Variants in STK31 observed in about 807,000 individuals in gnomAD.
STK31 encodes the protein serine/threonine-protein kinase 31.
Under a neutral mutation model 129.7 loss-of-function variants are expected in STK31, and 89 were observed. The ratio of observed to expected loss-of-function variants is 0.69; its 90% CI spans 0.58 to 0.82. STK31 has a LOEUF of 0.82. Among genes scored for constraint, STK31 ranks in the 40% least tolerant of loss-of-function variants. The probability of loss-of-function intolerance (pLI) is 0.00; values close to 1 mark genes in which losing one functional copy is unlikely to be tolerated. For synonymous variants in STK31, 448 were observed against 395.3 expected (o/e 1.13, Z -1.58); for missense variants, 1,187 against 1,176.4 (o/e 1.01, Z -0.13).
chr7:23,828,247 T>G (rs1794302530), intron 23 of STK31, among the ~76,000 whole-genome samples: 1 of 151,612 alleles, frequency 6.6e-6, no homozygotes, highest in Non-Finnish European at 1.5e-5. Context: ...TCCACCCAGT[T>G]TGAGCTTCCC....
upstream of STK31, chr7:23,710,117 C>T (rs1356746581): frequency 4.1e-6 from 5 of 1,208,768 alleles, no homozygotes; most frequent in African/African-American, 4.5e-5. Flanking sequence ...AGGCGGCTCC[C>T]GCACGCTTCT....
intron 23 of STK31, among the ~76,000 whole-genome samples, chr7:23,821,963 T>C (rs1194586096): frequency 6.6e-6 from 1 of 152,044 alleles, no homozygotes; most frequent in African/African-American, 2.4e-5. Flanking sequence ...GGTTGGCTGT[T>C]TATTTCTGGG....
intron 15 of STK31, among the ~76,000 whole-genome samples, chr7:23,774,759 G>T (rs998912227): frequency 6.6e-6 from 1 of 152,126 alleles, no homozygotes; most frequent in Non-Finnish European, 1.5e-5. Context: ...TTCTTTTGCT[G>T]TGCAGAAGCT....
chr7:23,793,754 G>T (rs1584458239), intron 22 of STK31, among the ~76,000 whole-genome samples: 1 of 152,282 alleles, frequency 6.6e-6, no homozygotes, highest in African/African-American at 2.4e-5. Flanking sequence ...TAGATCTGTT[G>T]TACCTAGAAC....
In STK31 at chr7:23,760,328, G is replaced by C. The variant is rs1749177348; in HGVS notation, c.1294-2473G>C. Among the ~76,000 whole-genome samples, 3 of 152,158 alleles carry C rather than the reference G, an allele frequency of 2.0e-5. No individual in the cohort carries two copies. The South Asian group carries it at 6.2e-4, about 32-fold the overall frequency. On this transcript the variant is annotated intron_variant, in intron 10 of 23. Coordinates refer to ENST00000355870, the MANE Select transcript of STK31 (RefSeq NM_031414.5). ...TCCCTAGTCATACCTAGGTTGATCA[G>C]TTGGCAGCCTGACTGCCTCTGAATG...
intron 7 of STK31, among the ~76,000 whole-genome samples, chr7:23,736,547 C>T (rs979336587): frequency 1.9e-4 from 4 of 20,532 alleles, no homozygotes; most frequent in East Asian, 1.9e-3. Flanking sequence ...AGGCGGTGGA[C>T]GGGGGGATCA....
In STK31 at chr7:23,752,834, T is replaced by C. The variant is rs1788799291; in HGVS notation, c.1133+2T>C. 6.4e-7 allele frequency: 1 copy of C among 1,564,672 alleles called. No homozygotes were observed. The highest frequency in any genetic ancestry group is 8.8e-7 in the Non-Finnish European group (1 of 1,137,260). On this transcript the variant is annotated splice_donor_variant, in intron 9 of 23. Transcript: ENST00000355870. LOFTEE classifies it high-confidence loss of function. ...GATGGAAATACTGAAAGAAATGAGG[T>C]AGGTAAAAGCATATTTTTCAGAAGG...
intron 23 of STK31, among the ~76,000 whole-genome samples, chr7:23,820,988 G>C (rs529901242): frequency 3.1e-4 from 47 of 152,182 alleles, no homozygotes; most frequent in African/African-American, 1.1e-3. Flanking sequence ...GAATAGTGCT[G>C]CAGTAAACAT....
intron 10 of STK31, among the ~76,000 whole-genome samples, chr7:23,758,013 G>A (rs1028122383): frequency 1.3e-5 from 2 of 152,148 alleles, no homozygotes; most frequent in South Asian, 2.1e-4. Flanking sequence ...ACCTTGAGTC[G>A]ACACAGCACA....
At chr7:23,739,106 G>A (rs936906795) in intron 8 of STK31, among the ~76,000 whole-genome samples, 2 of 152,166 alleles carry the variant, frequency 1.3e-5, no homozygotes, top group African/African-American at 4.8e-5. Context: ...GTGTAGAAGT[G>A]TTCCTATTTC....
At chr7:23,811,317 TA>T in intron 22 of STK31, 2 of 421,048 alleles carry the variant, frequency 4.8e-6, no homozygotes, top group South Asian at 2.0e-5. Flanking sequence ...GCTTCTGCCA[TA>T]AAAGGTTTTA....
chr7:23,798,148 C>A (rs1484707805), intron 22 of STK31, among the ~76,000 whole-genome samples: 5 of 152,172 alleles, frequency 3.3e-5, no homozygotes, highest in Non-Finnish European at 7.4e-5. Flanking sequence ...CAGACAGATA[C>A]ACAGTCGAAT....
At chr7:23,799,167 C>T (rs1204984800) in intron 22 of STK31, among the ~76,000 whole-genome samples, 2 of 152,172 alleles carry the variant, frequency 1.3e-5, no homozygotes, top group Non-Finnish European at 2.9e-5. Flanking sequence ...GGCCATACTA[C>T]TCAAAGTAAT....
At chr7:23,765,898 C>A (rs1337608212) in intron 11 of STK31, among the ~76,000 whole-genome samples, 1 of 152,160 alleles carries the variant, frequency 6.6e-6, no homozygotes, top group Non-Finnish European at 1.5e-5. Context: ...TCTTTCCTCT[C>A]TTTCTCTACC....
At chr7:23,763,757 A>G (rs371961102) in intron 11 of STK31, among the ~76,000 whole-genome samples, 22 of 111,394 alleles carry the variant, frequency 2.0e-4, no homozygotes, top group African/African-American at 7.1e-4. Context: ...TTCATTTGAA[A>G]TGTTTTCATT....
intron 4 of STK31, among the ~76,000 whole-genome samples, chr7:23,718,577 T>C (rs1169899474): frequency 6.6e-6 from 1 of 152,170 alleles, no homozygotes; most frequent in Non-Finnish European, 1.5e-5. Flanking sequence ...TGTCTGTTCT[T>C]AAATCATGGA....
In STK31 at chr7:23,716,152, T is replaced by A. The variant is rs574157579; in HGVS notation, c.151-1329T>A. ...TGTGTATCCTTGGTTTCCTTTAACC[T>A]CTGAATGTTCCTCAGTTTTTCCTTG... On this transcript the variant is annotated intron_variant, in intron 3 of 23. Coordinates refer to ENST00000355870, the MANE Select transcript of STK31 (RefSeq NM_031414.5). Among the ~76,000 whole-genome samples, 3 of 152,338 alleles carry A rather than the reference T, an allele frequency of 2.0e-5. No homozygotes were observed. The South Asian group carries it at 6.2e-4, about 32-fold the overall frequency.
chr7:23,771,258 G>T, intron 14 of STK31, 134 bp downstream of exon 14: 4 of 804,106 alleles, frequency 5.0e-6, no homozygotes, highest in South Asian at 7.1e-5. Context: ...AACTGGAAAT[G>T]GTGATTTTTG....
intron 23 of STK31, among the ~76,000 whole-genome samples, chr7:23,824,901 T>C (rs1794029807): frequency 6.6e-6 from 1 of 152,046 alleles, no homozygotes. Flanking sequence ...GGATTACGTT[T>C]ATTGATTTTC....
Sources: allele counts gnomAD v4.1 joint callset (sites outside exome capture counted in the v4.1 genomes callset), GRCh38; gene constraint gnomAD v4.1.1; transcripts MANE v1.5; gene names NCBI Gene and HGNC (gene_info 2026-07-23, HGNC 2026-07-21).